The following RBFOX1 variants were observed in gnomAD, a reference collection of about 807,000 sequenced individuals.
The protein encoded by RBFOX1 is RNA binding fox-1 homolog 1.
Under a neutral mutation model 57.7 loss-of-function variants are expected in RBFOX1, and 8 were observed. The observed-to-expected ratio is 0.14, with a 90% CI of 0.08 to 0.25. The LOEUF is 0.25. RBFOX1 is among the 10% of genes least tolerant of loss of function. RBFOX1 has a pLI of 1.00. For synonymous variants in RBFOX1, 326 were observed against 222.4 expected, an observed-to-expected ratio of 1.47 and a Z score of -4.15; for missense variants, 611 against 548.5, an observed-to-expected ratio of 1.11 and a Z score of -1.14.
rs2067918936 is a variant in RBFOX1 at position 5,436,397 on chromosome 16, T to C, written c.220-30819T>C. ...ACCATCACTCTGCATGGCTGAGTGA[T>C]TTACACTCATACAAAGCCTGGTCTT... On this transcript the variant is annotated intron_variant, in intron 1 of 2. Transcript: ENST00000585867. 2.6e-5 allele frequency among the ~76,000 whole-genome samples: 4 copies of C among 152,336 alleles called. No homozygotes were observed. In the South Asian group the frequency reaches 8.3e-4, roughly 32 times the overall value.
chr16:5,738,964 C>G (rs2052679013), intron 3 of RBFOX1, among the ~76,000 whole-genome samples: 2 of 146,402 alleles, frequency 1.4e-5, no homozygotes, highest in Admixed American at 7.1e-5. Flanking sequence ...TGACAAAGAA[C>G]AGGCTAACTC....
chr16:6,864,343 A>T (rs778965818), intron 3 of RBFOX1, among the ~76,000 whole-genome samples: 1 of 152,164 alleles, frequency 6.6e-6, no homozygotes, highest in Non-Finnish European at 1.5e-5. Flanking sequence ...CAAACATTTG[A>T]AAAACAATAA....
chr16:5,855,349 G>T (rs1406780532), intron 3 of RBFOX1, among the ~76,000 whole-genome samples: 2 of 152,128 alleles, frequency 1.3e-5, no homozygotes, highest in East Asian at 3.9e-4. Context: ...GTAACCTTAC[G>T]GTTCAAGTCT....
chr16:5,720,259 T>C (rs2051879767), intron 3 of RBFOX1, among the ~76,000 whole-genome samples: 1 of 152,232 alleles, frequency 6.6e-6, no homozygotes, highest in African/African-American at 2.4e-5. Flanking sequence ...TGGTCCATTT[T>C]TGACTGGGTT....
intron 1 of RBFOX1, among the ~76,000 whole-genome samples, chr16:5,267,598 C>T (rs759564688): frequency 1.3e-5 from 2 of 152,026 alleles, no homozygotes; most frequent in African/African-American, 2.4e-5. Flanking sequence ...GTGCCTGGGC[C>T]CACACATAAG....
chr16:5,354,462 G>A (rs1473819524), intron 1 of RBFOX1, among the ~76,000 whole-genome samples: 1 of 152,206 alleles, frequency 6.6e-6, no homozygotes, highest in African/African-American at 2.4e-5. Flanking sequence ...TTTCTTGTGT[G>A]TAATGGAGTT....
intron 2 of RBFOX1, among the ~76,000 whole-genome samples, chr16:6,330,372 G>T (rs2082869643): frequency 6.6e-6 from 1 of 152,188 alleles, no homozygotes; most frequent in Admixed American, 6.5e-5. Flanking sequence ...AAGAAGCCTT[G>T]CACAGCAGCT....
chr16:5,383,017 T>G (rs1374419006), intron 1 of RBFOX1, among the ~76,000 whole-genome samples: 1 of 152,212 alleles, frequency 6.6e-6, no homozygotes, highest in East Asian at 1.9e-4. Context: ...ATTAATTTCC[T>G]CCCTTGCTCA....
chr16:5,970,049 A>T (rs1188621853), intron 4 of RBFOX1, among the ~76,000 whole-genome samples: 11 of 151,636 alleles, frequency 7.3e-5, no homozygotes, highest in Admixed American at 7.2e-4. Context: ...TCAGATTGGC[A>T]CTCTACACAT....
chr16:6,574,042 C>G (rs904346877), intron 2 of RBFOX1, among the ~76,000 whole-genome samples: 1 of 152,196 alleles, frequency 6.6e-6, no homozygotes, highest in Non-Finnish European at 1.5e-5. Context: ...ATTTTTCTCT[C>G]GCTCTGCCAA....
intron 3 of RBFOX1, among the ~76,000 whole-genome samples, chr16:5,832,576 G>C (rs1434619869): frequency 6.6e-6 from 1 of 152,222 alleles, no homozygotes; most frequent in East Asian, 1.9e-4. Context: ...AGCTGTCACT[G>C]TTAGGCTTCT....
intron 1 of RBFOX1, among the ~76,000 whole-genome samples, chr16:5,284,929 T>G (rs1222588809): frequency 6.6e-6 from 1 of 152,018 alleles, no homozygotes. Context: ...TTTATCATAA[T>G]GTGCCTTGGA....
At position 7,650,943 on chromosome 16, in the gene RBFOX1, C is replaced by A. The variant is rs533823373; in HGVS notation, c.758-2872C>A. Among the ~76,000 whole-genome samples, 9 of 152,228 alleles carry A rather than the reference C, an allele frequency of 5.9e-5. No individual in the cohort carries two copies. The South Asian group carries it at 1.9e-3, about 32-fold the overall frequency. On this transcript the variant is annotated intron_variant, in intron 11 of 15. Coordinates refer to ENST00000550418, the MANE Select transcript of RBFOX1 (RefSeq NM_018723.4). ...TGATATTAGGATTTACTCGTGTTCC[C>A]CATTAAGACCCCACACGTCTCTGCG...
At chr16:7,581,133 G>C (rs80058163) in intron 6 of RBFOX1, among the ~76,000 whole-genome samples, 2 of 152,142 alleles carry the variant, frequency 1.3e-5, no homozygotes, top group African/African-American at 2.4e-5. Flanking sequence ...CACAAAAGCA[G>C]AGCGAGCATC....
chr16:6,816,645 C>G (rs1159083940), intron 3 of RBFOX1, among the ~76,000 whole-genome samples: 1 of 149,274 alleles, frequency 6.7e-6, no homozygotes, highest in Non-Finnish European at 1.5e-5. Flanking sequence ...GAGGCTGAGG[C>G]AGGAGAATGG....
intron 2 of RBFOX1, among the ~76,000 whole-genome samples, chr16:6,638,069 C>G (rs1052231693): frequency 7.9e-5 from 12 of 152,240 alleles, no homozygotes; most frequent in African/African-American, 2.4e-4. Flanking sequence ...TTCTGCCACT[C>G]TCTCCCAACA....
chr16:6,646,128 G>A (rs1395811472), intron 2 of RBFOX1, among the ~76,000 whole-genome samples: 2 of 152,082 alleles, frequency 1.3e-5, no homozygotes, highest in South Asian at 2.1e-4. Flanking sequence ...TTTTCCAAGC[G>A]AAGTGGTCGA....
intron 1 of RBFOX1, among the ~76,000 whole-genome samples, chr16:6,119,572 G>A (rs1183992499): frequency 6.6e-6 from 1 of 152,162 alleles, no homozygotes; most frequent in Non-Finnish European, 1.5e-5. Flanking sequence ...GAACACTTGT[G>A]TAAGGAAGCA....
intron 4 of RBFOX1, among the ~76,000 whole-genome samples, chr16:7,351,863 A>C (rs1249612745): frequency 1.3e-5 from 2 of 152,130 alleles, no homozygotes; most frequent in Non-Finnish European, 2.9e-5. Context: ...GGAAATTTTC[A>C]GCTGTCAGCA....
Sources: allele counts gnomAD v4.1 joint callset (sites outside exome capture counted in the v4.1 genomes callset), GRCh38; gene constraint gnomAD v4.1.1; transcripts MANE v1.5; gene names NCBI Gene and HGNC (gene_info 2026-07-23, HGNC 2026-07-21).